Variants in DCST1 observed in about 807,000 individuals in gnomAD.
The protein encoded by DCST1 is E3 ubiquitin-protein ligase DCST1.
Under a neutral mutation model 89.1 loss-of-function variants are expected in DCST1, and 78 were observed. The ratio of observed to expected loss-of-function variants is 0.88; its 90% confidence interval spans 0.73 to 1.06. DCST1 has a LOEUF of 1.06. Among genes scored for constraint, DCST1 ranks in the 50% least tolerant of loss-of-function variants. DCST1 has a pLI of 0.00. For synonymous variants in DCST1, 364 were observed against 371.9 expected (o/e 0.98, Z 0.24); for missense variants, 900 against 928.6 (o/e 0.97, Z 0.40).
At chr1:155,036,755 G>C (rs1426605606) in intron 4 of DCST1, among the ~76,000 whole-genome samples, 1 of 152,268 alleles carries the variant, frequency 6.6e-6, no homozygotes, top group Non-Finnish European at 1.5e-5. Flanking sequence ...TCCCCTTGGA[G>C]GCTGTGTGTG....
rs374793317 is a variant in DCST1, at chr1:155,034,587, G to A, written c.187+27G>A. ...TGAGTGTGGAAGCAGAAAGTTCGGG[G>A]TGGGCAGAGGCTGGACCAGGGCTAG... On this transcript the variant is annotated intron_variant, in intron 3 of 16. Transcript: ENST00000295542. The A allele has an allele frequency of 2.5e-5, 40 of 1,613,884 alleles. No homozygotes were observed. In the African/African-American group the frequency reaches 5.1e-4, roughly 20 times the overall value.
chr1:155,050,018 A>AG (rs1191436563), intron 16 of DCST1, among the ~76,000 whole-genome samples: 1 of 152,222 alleles, frequency 6.6e-6, no homozygotes, highest in African/African-American at 2.4e-5. Context: ...GGACCAGGTG[A>AG]GGGAAGGCTC....
intron 4 of DCST1, among the ~76,000 whole-genome samples, chr1:155,037,770 G>A (rs777369088): frequency 2.0e-5 from 3 of 152,204 alleles, no homozygotes; most frequent in Non-Finnish European, 4.4e-5. Context: ...GATGGGGTGG[G>A]ATAGAGGAGT....
intron 5 of DCST1, 54 bp downstream of exon 5, chr1:155,039,585 A>G: frequency 6.8e-7 from 1 of 1,475,696 alleles, no homozygotes; most frequent in Non-Finnish European, 9.1e-7. Context: ...TGGGTGGGTC[A>G]TCCAATGGGA....
chr1:155,046,599 T>TA, intron 13 of DCST1, 113 bp downstream of exon 13: 17 of 978,620 alleles, frequency 1.7e-5, no homozygotes, highest in Non-Finnish European at 2.1e-5. Context: ...TCCTTCTGCC[T>TA]CTTTTTTTTT....
rs201711673 is a variant in DCST1, at chr1:155,040,544, G to A, written c.451G>A (p.Val151Met). The A allele has an allele frequency of 1.8e-5, 29 of 1,592,646 alleles. No individual in the cohort carries two copies. In the Middle Eastern group the frequency reaches 8.5e-4, roughly 47 times the overall value. ...CGTGATCGCATCGCTGGGCTGCACC[G>A]TGGAGCTGCAGATCAACAACACCCG... ...NNVIASLGCT[V>M]ELQINNTRAA... The change falls in exon 6 of 17, where the codon GTG becomes ATG. Residue 151 changes from valine to methionine, a missense_variant. Val to Met is a conservative substitution (Grantham distance 21). Coordinates refer to ENST00000295542, the MANE Select transcript of DCST1 (RefSeq NM_152494.4).
Position 155,047,096 on chromosome 1 carries a change from A to G in DCST1, c.1496-100A>G, listed in dbSNP as rs575671245. ...GACAGAAAGACTCAGGCAGCTGAGAAGCATTTCTGTGTCTTGACCCCTCCC... is the reference window on the plus strand; with the variant it reads ...GACAGAAAGACTCAGGCAGCTGAGAGGCATTTCTGTGTCTTGACCCCTCCC... On this transcript the variant is annotated intron_variant, in intron 13 of 16. Transcript: ENST00000295542. 97 of 941,070 alleles carry G rather than the reference A, an allele frequency of 1.0e-4. 1 individual carries two copies. The African/African-American group carries it at 1.3e-3, about 12-fold the overall frequency. The allele number at this position is 941,070 out of a possible 1,614,324, so 58.3% of individuals were successfully genotyped here.
chr1:155,034,538 C>T lies in DCST1; in HGVS notation c.165C>T (p.Gly55=), dbSNP rs1212448584. Residue 55 remains glycine, a synonymous_variant, in exon 3 of 17, where the codon GGC becomes GGT. Transcript: ENST00000295542. ...TCACTGCTCTCCTGCTGGGGGCAGG[C>T]GCTGGGGGGCTCCTGGCCATAGGTG... ...FPVTALLLGA[G]AGGLLAIGLF... is the part of the protein sequence containing the mutation. 1.2e-6 allele frequency: 2 copies of T among 1,613,520 alleles called. No individual in the cohort carries two copies. The highest frequency in any genetic ancestry group is 1.7e-5 in the Admixed American group (1 of 59,970).
chr1:155,045,866 G>A (rs1296482219), intron 10 of DCST1, 27 bp from the exon 11 acceptor site: 46 of 1,588,402 alleles, frequency 2.9e-5, no homozygotes, highest in Non-Finnish European at 3.9e-5. Context: ...GGAAGAGATG[G>A]AGACATCCCT....
rs1200999728 is a variant in DCST1 at position 155,048,189 on chromosome 1, G to A, written c.1869+19G>A. 2 of 1,603,990 alleles carry A rather than the reference G, an allele frequency of 1.2e-6. No individual in the cohort carries two copies. The highest frequency in any genetic ancestry group is 1.7e-5 in the Admixed American group (1 of 59,488). On this transcript the variant is annotated intron_variant, in intron 16 of 16. Coordinates refer to ENST00000295542, the MANE Select transcript of DCST1 (RefSeq NM_152494.4). ...GGCTCCGGTAAGTCCAGGCGTAAGT[G>A]CTGCTGCCAGCTCCTGGCTGGGTCT...
intron 10 of DCST1, among the ~76,000 whole-genome samples, chr1:155,043,956 C>T (rs1440046434): frequency 6.6e-6 from 1 of 152,240 alleles, no homozygotes; most frequent in Non-Finnish European, 1.5e-5. Context: ...TCCAGCTGGG[C>T]TGCCCCGGGC....
intron 6 of DCST1, among the ~76,000 whole-genome samples, chr1:155,041,024 G>A (rs1660422856): frequency 6.6e-6 from 1 of 152,098 alleles, no homozygotes; most frequent in South Asian, 2.1e-4. Flanking sequence ...CATGGGGGCT[G>A]AGGGGTTTGG....
chr1:155,047,931 T>C lies in DCST1; in HGVS notation c.1755+2T>C. 1 of 1,613,788 alleles carries C rather than the reference T, an allele frequency of 6.2e-7. No individual in the cohort carries two copies. The highest frequency in any genetic ancestry group is 8.5e-7 in the Non-Finnish European group (1 of 1,179,930). On this transcript the variant is annotated splice_donor_variant, in intron 15 of 16. Coordinates refer to ENST00000295542, the MANE Select transcript of DCST1 (RefSeq NM_152494.4). LOFTEE classifies it high-confidence loss of function. ...ATCGCAGCCTTCTACTTCCCCAAGG[T>C]TTGCCCCTCCCCAGACCTCTCCACC...
chr1:155,034,367 C>A (rs1390848637), intron 2 of DCST1, 68 bp from the exon 3 acceptor site: 9 of 1,611,652 alleles, frequency 5.6e-6, no homozygotes, highest in African/African-American at 1.3e-5. Flanking sequence ...ACCTGCAAGC[C>A]CTGAATCCTA....
At chr1:155,048,203 C>T in intron 16 of DCST1, 33 bp downstream of exon 16, 1 of 1,588,370 alleles carries the variant, frequency 6.3e-7, no homozygotes, top group Non-Finnish European at 8.6e-7. Flanking sequence ...CTGCCAGCTC[C>T]TGGCTGGGTC....
chr1:155,047,639 T>C (rs1558111300), intron 14 of DCST1, 148 bp from the exon 15 acceptor site: 1 of 701,950 alleles, frequency 1.4e-6, no homozygotes, highest in Non-Finnish European at 2.4e-6. Flanking sequence ...GCTACAGTAC[T>C]GACAGGGCAG....
intron 4 of DCST1, among the ~76,000 whole-genome samples, chr1:155,037,441 T>C (rs1660309751): frequency 6.8e-6 from 1 of 147,280 alleles, no homozygotes; most frequent in Non-Finnish European, 1.5e-5. Context: ...TGTTGGTCTT[T>C]TTTTTTTTTT....
chr1:155,037,248 T>G (rs954255940), intron 4 of DCST1, among the ~76,000 whole-genome samples: 7 of 152,096 alleles, frequency 4.6e-5, no homozygotes, highest in Non-Finnish European at 5.9e-5. Flanking sequence ...CATGAGGCTC[T>G]GCACTCAGCA....
At chr1:155,039,701 T>C (rs1222859237) in intron 5 of DCST1, among the ~76,000 whole-genome samples, 170 bp downstream of exon 5, 1 of 152,092 alleles carries the variant, frequency 6.6e-6, no homozygotes, top group Non-Finnish European at 1.5e-5. Context: ...CCTCAGTTTA[T>C]AAGAGTGAAA....
Sources: gnomAD v4.1 joint callset for allele counts (sites outside exome capture counted in the v4.1 genomes callset) on GRCh38, gnomAD v4.1.1 for gene constraint, MANE v1.5 for transcripts, NCBI Gene and HGNC (gene_info 2026-07-23, HGNC 2026-07-21) for gene names.